The following NKAIN2 variants were observed in gnomAD, a reference collection of about 807,000 sequenced individuals.
The protein encoded by NKAIN2 is sodium/potassium transporting ATPase interacting 2, also known as sodium/potassium-transporting ATPase subunit beta-1-interacting protein 2.
In NKAIN2, 14 loss-of-function variants were observed where a neutral mutation model predicts 32.6. The observed-to-expected ratio is 0.43, with a 90% CI of 0.28 to 0.67. The LOEUF (loss-of-function observed/expected upper bound fraction) is 0.67, where lower values mean the gene tolerates loss of function less well. Among genes scored for constraint, NKAIN2 ranks in the 30% least tolerant of loss-of-function variants. The probability of loss-of-function intolerance (pLI) is 0.17; values close to 1 mark genes in which losing one functional copy is unlikely to be tolerated. For synonymous variants in NKAIN2, 80 were observed against 87.2 expected (o/e 0.92, Z 0.46); for missense variants, 198 against 258.3 (o/e 0.77, Z 1.60).
chr6:124,709,778 C>G lies in NKAIN2; in HGVS notation c.474+51392C>G, dbSNP rs1239584023. On this transcript the variant is annotated intron_variant, in intron 4 of 6. Transcript: ENST00000368417. ...CAATTTTATTGATCCTTTCAAAAAACCAGCTCCTGGATTCATTAATTTTTT... is the reference window on the plus strand; with the variant it reads ...CAATTTTATTGATCCTTTCAAAAAAGCAGCTCCTGGATTCATTAATTTTTT... Among the ~76,000 whole-genome samples the G allele has an allele frequency of 1.3e-5, 2 of 151,614 alleles. 1 individual carries two copies. Among genetic ancestry groups the G allele is most frequent in the Non-Finnish European group, 2.9e-5 (2 of 67,896 alleles).
chr6:123,975,649 G>A (rs959143411), intron 1 of NKAIN2, among the ~76,000 whole-genome samples: 1 of 152,064 alleles, frequency 6.6e-6, no homozygotes, highest in South Asian at 2.1e-4. Context: ...TTGAGTGTCT[G>A]GTGAGGGCCA....
In NKAIN2 at chr6:124,211,242, A is replaced by G. The variant is rs1791158816; in HGVS notation, c.55-71763A>G. ...TTTTTTCCTTCCTCATGAGCAATAT[A>G]ATTTTAAAAAGATTATATTTAAAAA... On this transcript the variant is annotated intron_variant, in intron 1 of 6. Transcript: ENST00000368417. Among the ~76,000 whole-genome samples, 3 of 151,896 alleles carry G rather than the reference A, an allele frequency of 2.0e-5. No homozygotes were observed. In the South Asian group the frequency reaches 6.2e-4, roughly 31 times the overall value.
intron 2 of NKAIN2, among the ~76,000 whole-genome samples, chr6:124,286,671 TGTGC>T (rs754513322): frequency 0.093 from 11,499 of 123,442 alleles, 484 homozygotes; most frequent in East Asian, 0.18. Flanking sequence ...TGTGTGTGTG[TGTGC>T]GCGCGCGTGT....
chr6:124,540,652 GT>G (rs59665189), intron 3 of NKAIN2, among the ~76,000 whole-genome samples: 2,373 of 152,288 alleles, frequency 0.016, 51 homozygotes, highest in African/African-American at 0.054. Flanking sequence ...TATACAGACA[GT>G]TCCTGACTTA....
intron 1 of NKAIN2, among the ~76,000 whole-genome samples, chr6:124,103,211 G>C (rs369149711): frequency 6.6e-6 from 1 of 152,200 alleles, no homozygotes; most frequent in Admixed American, 6.5e-5. Flanking sequence ...ACTAGATCTT[G>C]CTACTGGTCC....
intron 4 of NKAIN2, among the ~76,000 whole-genome samples, chr6:124,706,814 G>C (rs1365663636): frequency 2.0e-5 from 3 of 151,996 alleles, no homozygotes; most frequent in Non-Finnish European, 2.9e-5. Context: ...ATGCATTAAA[G>C]GATGTTTTCT....
chr6:123,938,451 T>TACACAC (rs1359472284), intron 1 of NKAIN2, among the ~76,000 whole-genome samples: 75 of 81,260 alleles, frequency 9.2e-4, no homozygotes, highest in African/African-American at 3.9e-3. Flanking sequence ...TATATATATA[T>TACACAC]ACACACACAC....
chr6:124,342,704 T>A (rs979920492), intron 2 of NKAIN2, among the ~76,000 whole-genome samples: 30 of 151,774 alleles, frequency 2.0e-4, no homozygotes, highest in African/African-American at 7.3e-4. Flanking sequence ...GGACGGGGTT[T>A]CATCCTATTC....
chr6:124,471,013 A>G (rs1384298471), intron 3 of NKAIN2, among the ~76,000 whole-genome samples: 1 of 152,142 alleles, frequency 6.6e-6, no homozygotes, highest in Non-Finnish European at 1.5e-5. Flanking sequence ...CCTGTTGTCT[A>G]TGGCTTCCCT....
At chr6:123,931,325 G>C (rs998519868) in intron 1 of NKAIN2, among the ~76,000 whole-genome samples, 1 of 152,062 alleles carries the variant, frequency 6.6e-6, no homozygotes, top group African/African-American at 2.4e-5. Context: ...TTCTGACACT[G>C]TCCCTGAGTA....
intron 3 of NKAIN2, among the ~76,000 whole-genome samples, chr6:124,419,423 G>C (rs1458642287): frequency 2.0e-5 from 3 of 152,098 alleles, no homozygotes; most frequent in Admixed American, 2.0e-4. Context: ...ATAGCTAAAG[G>C]ACTTCGTTCC....
intron 1 of NKAIN2, among the ~76,000 whole-genome samples, chr6:124,203,926 G>C (rs1790721985): frequency 1.3e-5 from 2 of 151,862 alleles, no homozygotes; most frequent in African/African-American, 4.8e-5. Context: ...ACTGCTAAAT[G>C]ATTTCGCAGA....
chr6:124,711,565 C>T (rs942000163), intron 4 of NKAIN2, among the ~76,000 whole-genome samples: 9 of 150,836 alleles, frequency 6.0e-5, no homozygotes, highest in Admixed American at 2.6e-4. Flanking sequence ...TCATTTCATT[C>T]ATTTCATCTT....
chr6:124,683,576 G>A (rs994305316), intron 4 of NKAIN2, among the ~76,000 whole-genome samples: 7 of 152,140 alleles, frequency 4.6e-5, no homozygotes, highest in African/African-American at 1.7e-4. Flanking sequence ...GATTCTGCAA[G>A]GCTGAGCAGC....
At chr6:124,765,679 C>T (rs993180056) in intron 4 of NKAIN2, among the ~76,000 whole-genome samples, 2 of 152,186 alleles carry the variant, frequency 1.3e-5, no homozygotes, top group African/African-American at 2.4e-5. Flanking sequence ...CTTCCCCAGC[C>T]CCCTTGGTAG....
chr6:123,999,960 T>A (rs1582907516), intron 1 of NKAIN2, among the ~76,000 whole-genome samples: 1 of 152,176 alleles, frequency 6.6e-6, no homozygotes, highest in South Asian at 2.1e-4. Flanking sequence ...ATTATTATTT[T>A]GTTAATATAG....
intron 2 of NKAIN2, among the ~76,000 whole-genome samples, chr6:124,286,177 T>A (rs1795530612): frequency 1.3e-5 from 2 of 152,152 alleles, no homozygotes; most frequent in Non-Finnish European, 2.9e-5. Context: ...TCCAAGTATG[T>A]CTTAATTTTA....
intron 1 of NKAIN2, among the ~76,000 whole-genome samples, chr6:124,113,329 A>T (rs1351921260): frequency 7.2e-5 from 11 of 152,296 alleles, no homozygotes; most frequent in Non-Finnish European, 1.3e-4. Flanking sequence ...TGCCATCTCC[A>T]TCAGAGCTTC....
At chr6:123,917,146 A>T (rs749181696) in intron 1 of NKAIN2, among the ~76,000 whole-genome samples, 1 of 152,184 alleles carries the variant, frequency 6.6e-6, no homozygotes, top group Non-Finnish European at 1.5e-5. Context: ...CCTTTCTCTG[A>T]AGACAGACTT....
Sources: gnomAD v4.1 joint callset for allele counts (sites outside exome capture counted in the v4.1 genomes callset) on GRCh38, gnomAD v4.1.1 for gene constraint, MANE v1.5 for transcripts, NCBI Gene and HGNC (gene_info 2026-07-23, HGNC 2026-07-21) for gene names.